The following FLG variants were observed in gnomAD, a reference collection of about 807,000 sequenced individuals.
FLG encodes filaggrin.
In FLG, 6 loss-of-function variants were observed where a neutral mutation model predicts 3.8. That is an observed-to-expected ratio of 1.60 (90% CI 0.87 to 3.15). The LOEUF is 3.15. Among genes scored for constraint, FLG ranks in the 30% most tolerant of loss-of-function variants. The pLI, the probability that FLG is intolerant of heterozygous loss-of-function variation, is 0.00. For synonymous variants in FLG, 2,551 were observed against 1,931.6 expected, an observed-to-expected ratio of 1.32 and a Z score of -8.41; for missense variants, 7,595 against 5,050.9, an observed-to-expected ratio of 1.50 and a Z score of -15.27.
intron 1 of FLG, among the ~76,000 whole-genome samples, chr1:152,317,810 T>C (rs1652837626): frequency 6.6e-6 from 1 of 152,060 alleles, no homozygotes; most frequent in Non-Finnish European, 1.5e-5. Flanking sequence ...AAATCTATTA[T>C]GTTCAAAACA....
Position 152,308,015 on chromosome 1 carries a change from C to G in FLG, c.6871G>C (p.Gly2291Arg). Residue 2291 changes from glycine (G) to arginine (R), a missense_variant, in exon 3 of 3, where the codon GGT becomes CGT. Transcript: ENST00000368799. ...HPRSHHEDRA[G>R]HGHSAESSRQ... ...GAGCTCTCTGCAGAGTGCCCATGACCGGCTCTGTCTTCGTGATGGGACCTG... is the reference window on the plus strand; with the variant it reads ...GAGCTCTCTGCAGAGTGCCCATGACGGGCTCTGTCTTCGTGATGGGACCTG... 3 of 1,613,450 alleles carry G rather than the reference C, an allele frequency of 1.9e-6. No homozygotes were observed. Among genetic ancestry groups the G allele is most frequent in the Middle Eastern group, 3.3e-4 (2 of 6,060 alleles).
Position 152,308,768 on chromosome 1 carries a change from T to G in FLG, c.6118A>C (p.Ser2040Arg). 6.2e-7 allele frequency: 1 copy of G among 1,614,190 alleles called. No homozygotes were observed. The highest frequency in any genetic ancestry group is 8.5e-7 in the Non-Finnish European group (1 of 1,180,014). The change falls in exon 3 of 3, where the codon AGT (serine) becomes CGT (arginine). Residue 2040 changes from serine (S) to arginine (R), a missense_variant. Coordinates refer to ENST00000368799, the MANE Select transcript of FLG (RefSeq NM_002016.2). ...TCACTGTCACTGGCCTGACTACCAC[T>G]GTACCCTCGGTGTCCACTGTCTCTG... ...AVRDSGHRGY[S>R]GSQASDSEGH...
chr1:152,304,553 T>C lies in FLG; in HGVS notation c.10333A>G (p.Arg3445Gly), dbSNP rs1349807317. ...RGHPGSSRRG[R>G]QGSHYEQSVD... ...GATTGCTCGTAGTGGGATCCCTGCC[T>C]TCCTCTTCTGCTTGACCCCGGGTGT... is the stretch of plus-strand genomic sequence containing the variant. Residue 3445 changes from arginine (R) to glycine (G), a missense_variant, in exon 3 of 3, where the codon AGG becomes GGG. By Grantham distance (125) the Arg-to-Gly change is moderately radical. Coordinates refer to ENST00000368799, the MANE Select transcript of FLG (RefSeq NM_002016.2). 6 of 1,609,618 alleles carry C rather than the reference T, an allele frequency of 3.7e-6. No individual in the cohort carries two copies. The highest frequency in any genetic ancestry group is 1.6e-4 in the Middle Eastern group (1 of 6,066).
At position 152,304,629 on chromosome 1, in the gene FLG, T is replaced by C; in HGVS notation, c.10257A>G (p.Arg3419=). The C allele has an allele frequency of 6.2e-7, 1 of 1,612,956 alleles. No individual in the cohort carries two copies. Among genetic ancestry groups the C allele is most frequent in the Non-Finnish European group, 8.5e-7 (1 of 1,179,674 alleles). The change falls in exon 3 of 3, where the codon CGA becomes CGG. Residue 3419 remains arginine, a synonymous_variant. Transcript: ENST00000368799. ...GGGACGCTGAGTGCCTGGAGCTGTC[T>C]CGTGCCTGCTCGTGGTGGGATCCTT... ...RRQGSHHEQA[R]DSSRHSASQE...
At position 152,311,842 on chromosome 1, in the gene FLG, C is replaced by T. The variant is rs1045317592; in HGVS notation, c.3044G>A (p.Gly1015Asp). Residue 1015 changes from glycine (G) to aspartate (D), a missense_variant, in exon 3 of 3, where the codon GGT (glycine) becomes GAT (aspartate). Gly to Asp is a moderately conservative substitution (Grantham distance 94, BLOSUM62 -1). Transcript: ENST00000368799. ...SGTPHAETSS[G>D]GQAASSHEQA... ...TTCATGGGATGACGCAGCCTGTCCA[C>T]CAGAGGAAGTCTCTGCGTGAGGAGT... is the stretch of plus-strand genomic sequence containing the variant. 3.7e-6 allele frequency: 6 copies of T among 1,613,918 alleles called. No homozygotes were observed. Among genetic ancestry groups the T allele is most frequent in the East Asian group, 2.2e-5 (1 of 44,868 alleles).
Position 152,302,869 on chromosome 1 carries a change from A to C in FLG, c.12017T>G (p.Val4006Gly). 6 of 1,614,216 alleles carry C rather than the reference A, an allele frequency of 3.7e-6. No individual in the cohort carries two copies. The highest frequency in any genetic ancestry group is 4.2e-6 in the Non-Finnish European group (5 of 1,180,040). Residue 4006 changes from valine to glycine, a missense_variant, in exon 3 of 3, where the codon GTT (valine) becomes GGT (glycine). Transcript: ENST00000368799. ...HGSVSYNSNP[V>G]VFKERSDICK... is the part of the protein sequence containing the mutation. ...GATATCAGATCTTTCCTTGAAAACA[A>C]CAGGATTGGAATTGTAACTAACACT... is the stretch of plus-strand genomic sequence containing the variant.
In FLG at chr1:152,313,498, C is replaced by T. The variant is rs1328729321; in HGVS notation, c.1388G>A (p.Gly463Glu). Residue 463 changes from glycine (G) to glutamate (E), a missense_variant, in exon 3 of 3, where the codon GGA becomes GAA. Gly to Glu is a moderately conservative substitution (Grantham distance 98). Transcript: ENST00000368799. The stretch of plus-strand genomic sequence containing the variant: ...CTGGTAGAGGGAAGACCCTGAACGT[C>T]CAGACCGTTCCCCTGACCGGCCACG... ...STRGRSGERSGRSGSSLYQVS... is the reference protein window; with the variant it reads ...STRGRSGERSERSGSSLYQVS... 1.2e-6 allele frequency: 2 copies of T among 1,613,950 alleles called. No individual in the cohort carries two copies. Among genetic ancestry groups the T allele is most frequent in the South Asian group, 2.2e-5 (2 of 91,048 alleles).
In FLG at chr1:152,322,815, T is replaced by C. The variant is rs117550351; in HGVS notation, c.-22+2374A>G. Among the ~76,000 whole-genome samples, 45 of 151,554 alleles carry C rather than the reference T, an allele frequency of 3.0e-4. 1 individual carries two copies. In the East Asian group the frequency reaches 4.8e-3, roughly 16 times the overall value. Reference sequence around the variant, plus strand: ...TATCAAATCTCCTTAAATTCATTTATAGATGCAATGAAATCCCATTCTGAA... The same window carrying C: ...TATCAAATCTCCTTAAATTCATTTACAGATGCAATGAAATCCCATTCTGAA... On this transcript the variant is annotated intron_variant, in intron 1 of 2. Transcript: ENST00000368799.
In FLG at chr1:152,311,458, C is replaced by G. The variant is rs1652421101; in HGVS notation, c.3428G>C (p.Gly1143Ala). The change falls in exon 3 of 3, where the codon GGA becomes GCA. Residue 1143 changes from glycine to alanine, a missense_variant. By Grantham distance (60) the Gly-to-Ala change is moderately conservative (BLOSUM62 0). Coordinates refer to ENST00000368799, the MANE Select transcript of FLG (RefSeq NM_002016.2). ...GTCTCGTGCCTGCTCGTGGTGGGAT[C>G]CTTGTCTTCGTCCAGTGCTGGTCCT... ...RTRTSTGRRQ[G>A]SHHEQARDSS... 1 of 1,613,914 alleles carries G rather than the reference C, an allele frequency of 6.2e-7. No homozygotes were observed. The highest frequency in any genetic ancestry group is 1.1e-5 in the South Asian group (1 of 91,072).
chr1:152,302,709 G>A lies in FLG; in HGVS notation c.12177C>T (p.Tyr4059=), dbSNP rs2101634276. Residue 4059 remains tyrosine, a synonymous_variant, in exon 3 of 3, where the codon TAC becomes TAT. Transcript: ENST00000368799. ...CTTTGCCATTAATTTCTTACTCATA[G>A]TAATAGTATCTCTGTGACTGACTAA... is the stretch of plus-strand genomic sequence containing the variant. ...LGFSQSQRYY[Y]YE 6.2e-7 allele frequency: 1 copy of A among 1,613,356 alleles called. No homozygotes were observed. The highest frequency in any genetic ancestry group is 1.1e-5 in the South Asian group (1 of 91,054).
Position 152,314,140 on chromosome 1 carries a change from C to T in FLG, c.746G>A (p.Ser249Asn), listed in dbSNP as rs961814950. Residue 249 changes from serine to asparagine, a missense_variant, in exon 3 of 3, where the codon AGT becomes AAT. Coordinates refer to ENST00000368799, the MANE Select transcript of FLG (RefSeq NM_002016.2). ...ATATATTTTGTTTTCTTCTAATAGA[C>T]TATCAGTGGTGTCATAGGCTTCATC... is the stretch of plus-strand genomic sequence containing the variant. The part of the protein sequence containing the change: ...IQDEAYDTTD[S>N]LLEENKIYER... The T allele has an allele frequency of 1.2e-6, 2 of 1,614,142 alleles. No individual in the cohort carries two copies. The highest frequency in any genetic ancestry group is 2.7e-5 in the African/African-American group (2 of 75,058).
In FLG at chr1:152,305,443, C is replaced by T. The variant is rs752795647; in HGVS notation, c.9443G>A (p.Arg3148Lys). ...SHHSHTTSQG[R>K]SDASRGQSGS... is the part of the protein sequence containing the mutation. ...TGACTGCCCACGGGAGGCATCAGAC[C>T]TTCCCTGGGATGTGGTGTGGCTGTG... The change falls in exon 3 of 3, where the codon AGG becomes AAG. Residue 3148 changes from arginine (R) to lysine (K), a missense_variant. By Grantham distance (26) the Arg-to-Lys change is conservative. Transcript: ENST00000368799. The T allele has an allele frequency of 1.3e-6, 2 of 1,595,534 alleles. No homozygotes were observed. The highest frequency in any genetic ancestry group is 1.7e-6 in the Non-Finnish European group (2 of 1,175,316).
rs372754256 is a variant in FLG at position 152,307,855 on chromosome 1, G to C, written c.7031C>G (p.Ser2344Ter). 2.6e-4 allele frequency: 417 copies of C among 1,613,232 alleles called. No individual in the cohort carries two copies. The South Asian group carries it at 4.2e-3, about 16-fold the overall frequency. ...TGAAGCTTGTCCGTGCCCAATGCCTGAGTGTCTGGAGCTGTCTGCTGACTG... is the reference window on the plus strand; with the variant it reads ...TGAAGCTTGTCCGTGCCCAATGCCTCAGTGTCTGGAGCTGTCTGCTGACTG... Reference protein sequence around the residue: ...HQQSADSSRHSGIGHGQASSA... With the variant: ...HQQSADSSRH Residue 2344 changes from serine (S) to a stop codon, truncating the protein, a stop_gained, in exon 3 of 3, where the codon TCA becomes TGA. Coordinates refer to ENST00000368799, the MANE Select transcript of FLG (RefSeq NM_002016.2). LOFTEE classifies it low-confidence loss of function (END_TRUNC).
rs192402912 is a variant in FLG, at chr1:152,313,178, G to C, written c.1708C>G (p.Gln570Glu). The change falls in exon 3 of 3, where the codon CAA becomes GAA. Residue 570 changes from glutamine to glutamate, a missense_variant. Physicochemically the swap from Gln to Glu is conservative, Grantham distance 29 (BLOSUM62 2). Transcript: ENST00000368799. ...CCTGATTGTTCCTCATTTCGTGTTT[G>C]TCTGCTTGCACTTCTGGATCCTGAC... Reference protein sequence around the residue: ...GQSGSRSASRQTRNEEQSGDG... With the variant: ...GQSGSRSASRETRNEEQSGDG... 17 of 1,613,746 alleles carry C rather than the reference G, an allele frequency of 1.1e-5. No individual in the cohort carries two copies. In the East Asian group the frequency reaches 3.3e-4, roughly 32 times the overall value.
chr1:152,317,566 C>CT (rs1337033925), intron 1 of FLG, among the ~76,000 whole-genome samples: 1 of 152,046 alleles, frequency 6.6e-6, no homozygotes, highest in Non-Finnish European at 1.5e-5. Context: ...TCAATGGCCA[C>CT]TTTTTTCTTA....
chr1:152,308,164 G>T lies in FLG; in HGVS notation c.6722C>A (p.Ser2241Tyr), dbSNP rs1260173275. The stretch of plus-strand genomic sequence containing the variant: ...ACTGTCACTGTCCTGGCTAACACTG[G>T]ATCCCCGGGGCCTGCTTGTCCTGGG... ...SGPRTSRPRG[S>Y]SVSQDSDSEG... Residue 2241 changes from serine to tyrosine, a missense_variant, in exon 3 of 3, where the codon TCC (serine) becomes TAC (tyrosine). Physicochemically the swap from Ser to Tyr is moderately radical, Grantham distance 144. Transcript: ENST00000368799. 1.2e-6 allele frequency: 2 copies of T among 1,613,722 alleles called. No individual in the cohort carries two copies. Among genetic ancestry groups the T allele is most frequent in the South Asian group, 1.1e-5 (1 of 91,054 alleles).
At chr1:152,322,993 A>G (rs1653028249) in intron 1 of FLG, among the ~76,000 whole-genome samples, 2 of 151,584 alleles carry the variant, frequency 1.3e-5, no homozygotes, top group Non-Finnish European at 3.0e-5. Context: ...GGAAGAAAAT[A>G]TGGCATGATG....
rs971770177 is a variant in FLG at position 152,311,593 on chromosome 1, C to A, written c.3293G>T (p.Ser1098Ile). 1.2e-6 allele frequency: 2 copies of A among 1,614,100 alleles called. No homozygotes were observed. Among genetic ancestry groups the A allele is most frequent in the Admixed American group, 3.3e-5 (2 of 60,028 alleles). The change falls in exon 3 of 3, where the codon AGC becomes ATC. Residue 1098 changes from serine (S) to isoleucine (I), a missense_variant. By Grantham distance (142) the Ser-to-Ile change is moderately radical (BLOSUM62 -2). Transcript: ENST00000368799. The stretch of plus-strand genomic sequence containing the variant: ...CCAGTCACGTGCGGACTCTTGGTGG[C>A]TCTGCTGATGGGGCCCATCCTGTCC... The part of the protein sequence containing the change: ...GHGQDGPHQQ[S>I]HQESARDWSG...
Position 152,310,880 on chromosome 1 carries a change from ACT to A in FLG, c.4004_4005del (p.Glu1335ValfsTer12), listed in dbSNP as rs1057517973. Reference protein sequence around the residue: ...SSRQSGTHHTESSSHGQAVSS... With the variant: ...SSRQSGTHHTXSSSHGQAVSS... ...GACACAGCCTGTCCATGAGAGGAAG[ACT>A]CTGTGTGATGAGTGCCTGATTGTCT... On this transcript the variant is annotated frameshift_variant, in exon 3 of 3. Coordinates refer to ENST00000368799, the MANE Select transcript of FLG (RefSeq NM_002016.2). LOFTEE classifies it low-confidence loss of function (END_TRUNC). 3 of 1,612,716 alleles carry A rather than the reference ACT, an allele frequency of 1.9e-6. No homozygotes were observed. The highest frequency in any genetic ancestry group is 2.5e-6 in the Non-Finnish European group (3 of 1,179,670).
Sources: gnomAD v4.1 joint callset for allele counts (sites outside exome capture counted in the v4.1 genomes callset) on GRCh38, gnomAD v4.1.1 for gene constraint, MANE v1.5 for transcripts, NCBI Gene and HGNC (gene_info 2026-07-23, HGNC 2026-07-21) for gene names.